The following FBXO36 variants were observed in gnomAD, a reference collection of about 807,000 sequenced individuals.
The protein encoded by FBXO36 is F-box only protein 36.
FBXO36 carries 18 observed loss-of-function variants against 17.0 expected under a neutral mutation model. The observed-to-expected ratio is 1.06, with a 90% CI of 0.73 to 1.57. The LOEUF (loss-of-function observed/expected upper bound fraction) is 1.57, where lower values mean the gene tolerates loss of function less well. Among genes scored for constraint, FBXO36 ranks in the 40% most tolerant of loss-of-function variants. The probability of loss-of-function intolerance (pLI) is 0.00; values close to 1 mark genes in which losing one functional copy is unlikely to be tolerated. For synonymous variants in FBXO36, 83 were observed against 85.3 expected (o/e 0.97, Z 0.15); for missense variants, 229 against 221.9 (o/e 1.03, Z -0.20).
At chr2:229,940,471 C>T (rs1476553583) in intron 1 of FBXO36, among the ~76,000 whole-genome samples, 2 of 152,254 alleles carry the variant, frequency 1.3e-5, no homozygotes, top group African/African-American at 2.4e-5. Context: ...CTGTATAACC[C>T]GTGTACATAT....
Position 229,922,571 on chromosome 2 carries a change from A to C in FBXO36, c.58A>C (p.Ser20Arg), listed in dbSNP as rs1410207060. The C allele has an allele frequency of 1.2e-6, 2 of 1,613,924 alleles. No individual in the cohort carries two copies. The highest frequency in any genetic ancestry group is 1.7e-6 in the Non-Finnish European group (2 of 1,180,032). ...FETVGQGPPPSKDYYQLLVTR... is the reference protein window; with the variant it reads ...FETVGQGPPPRKDYYQLLVTR... ...AACTGTAGGACAAGGCCCGCCGCCT[A>C]GCAAAGACTATTACCAGTTACTGGT... Residue 20 changes from serine (S) to arginine (R), a missense_variant, in exon 1 of 4, where the codon AGC (serine) becomes CGC (arginine). By Grantham distance (110) the Ser-to-Arg change is moderately radical (BLOSUM62 -1). Coordinates refer to ENST00000283946, the MANE Select transcript of FBXO36 (RefSeq NM_174899.5).
Position 229,926,432 on chromosome 2 carries a change from A to AAAAT in FBXO36, c.96+3842_96+3845dup, listed in dbSNP as rs572576240. Among the ~76,000 whole-genome samples, 42 of 152,056 alleles carry AAAAT rather than the reference A, an allele frequency of 2.8e-4. No individual in the cohort carries two copies. In the East Asian group the frequency reaches 4.3e-3, roughly 15 times the overall value. The stretch of plus-strand genomic sequence containing the variant: ...GGCAACAAAGCAAGACTCAGTCTTT[A>AAAAT]AAATAAATAAATAAATAAATAAGAT... On this transcript the variant is annotated intron_variant, in intron 1 of 3. Coordinates refer to ENST00000283946, the MANE Select transcript of FBXO36 (RefSeq NM_174899.5).
chr2:229,985,404 C>G (rs554782882), intron 2 of FBXO36, among the ~76,000 whole-genome samples: 2 of 152,094 alleles, frequency 1.3e-5, no homozygotes, highest in African/African-American at 4.8e-5. Flanking sequence ...AATCCATTTT[C>G]TCTAGGTTTC....
intron 1 of FBXO36, among the ~76,000 whole-genome samples, chr2:229,957,057 G>T (rs2077092144): frequency 6.6e-6 from 1 of 152,180 alleles, no homozygotes; most frequent in Non-Finnish European, 1.5e-5. Flanking sequence ...TTCCTAACAG[G>T]AGTGGAGGAA....
chr2:229,976,816 T>C (rs1450270748), intron 2 of FBXO36: 1 of 150,998 alleles, frequency 6.6e-6, no homozygotes, highest in Admixed American at 6.6e-5. Context: ...CAAAATTCTG[T>C]CTTAAAAAAA....
chr2:229,935,779 CA>C (rs2076960733), intron 1 of FBXO36, among the ~76,000 whole-genome samples: 1 of 152,132 alleles, frequency 6.6e-6, no homozygotes, highest in African/African-American at 2.4e-5. Context: ...ATTCCGTTAC[CA>C]AATGTTCAAG....
chr2:229,998,477 C>A lies in FBXO36; in HGVS notation c.378+1554C>A, dbSNP rs547779753. On this transcript the variant is annotated intron_variant, in intron 3 of 3. Coordinates refer to ENST00000283946, the MANE Select transcript of FBXO36 (RefSeq NM_174899.5). ...GTCTCTACTAAAAATACAAAATTAG[C>A]CAAGCGTGGTAGCACATGCCTGTAA... Among the ~76,000 whole-genome samples the A allele has an allele frequency of 2.0e-5, 3 of 152,252 alleles. No individual in the cohort carries two copies. The East Asian group carries it at 5.8e-4, about 29-fold the overall frequency.
At chr2:229,953,939 C>T (rs1029910444) in intron 1 of FBXO36, among the ~76,000 whole-genome samples, 1 of 151,838 alleles carries the variant, frequency 6.6e-6, no homozygotes, top group Non-Finnish European at 1.5e-5. Flanking sequence ...TGATCACAGC[C>T]CACTGCAGCC....
At chr2:229,996,435 T>C (rs891948051) in intron 2 of FBXO36, among the ~76,000 whole-genome samples, 1 of 152,080 alleles carries the variant, frequency 6.6e-6, no homozygotes, top group African/African-American at 2.4e-5. Context: ...ACAATGGTAA[T>C]GCCAAGACCA....
At chr2:229,932,913 A>G (rs748152791) in intron 1 of FBXO36, 1 of 323,338 alleles carries the variant, frequency 3.1e-6, no homozygotes, top group South Asian at 2.3e-5. Flanking sequence ...AATAAAAACT[A>G]AAAATTAGCC....
chr2:229,939,095 C>G (rs2076983391), intron 1 of FBXO36: 1 of 180,382 alleles, frequency 5.5e-6, no homozygotes, highest in African/African-American at 2.6e-5. Context: ...CTCTTGTTGC[C>G]CAGGCTGGAG....
intron 1 of FBXO36, among the ~76,000 whole-genome samples, chr2:229,942,051 T>C (rs2077002300): frequency 6.6e-6 from 1 of 152,124 alleles, no homozygotes; most frequent in African/African-American, 2.4e-5. Flanking sequence ...GGCTTAATGC[T>C]TCCCAGTAAG....
chr2:229,930,054 A>T (rs2076931548), intron 1 of FBXO36, among the ~76,000 whole-genome samples: 1 of 152,164 alleles, frequency 6.6e-6, no homozygotes, highest in Non-Finnish European at 1.5e-5. Context: ...TCTACAAAAA[A>T]ATCTAAAAAT....
At chr2:229,955,080 G>A (rs1298098473) in intron 1 of FBXO36, among the ~76,000 whole-genome samples, 2 of 152,084 alleles carry the variant, frequency 1.3e-5, no homozygotes, top group Non-Finnish European at 2.9e-5. Flanking sequence ...TTGAACTCCT[G>A]ACCTCAAGTG....
At chr2:229,990,385 T>C (rs1264676795) in intron 2 of FBXO36, among the ~76,000 whole-genome samples, 3 of 151,842 alleles carry the variant, frequency 2.0e-5, no homozygotes, top group Non-Finnish European at 2.9e-5. Context: ...GTAACTTCTG[T>C]ATATCAGGTT....
chr2:229,974,236 G>A (rs1356466441), intron 1 of FBXO36, among the ~76,000 whole-genome samples: 2 of 152,124 alleles, frequency 1.3e-5, no homozygotes, highest in Non-Finnish European at 2.9e-5. Context: ...GGCCTCCAAA[G>A]GAACTCTGTG....
chr2:229,988,598 G>A lies in FBXO36; in HGVS notation c.206-8153G>A, dbSNP rs143526086. Among the ~76,000 whole-genome samples, 364 of 152,080 alleles carry A rather than the reference G, an allele frequency of 2.4e-3. 3 individuals carry two copies. Among genetic ancestry groups the A allele is most frequent in the African/African-American group, 7.5e-3 (310 of 41,504 alleles). ...TTCCCAGGCTGGAGTGCAGTGGCGC[G>A]ATTTCAGCTCACTACAAGCTCCGTC... On this transcript the variant is annotated intron_variant, in intron 2 of 3. Transcript: ENST00000283946.
At chr2:229,936,763 T>C (rs1409560670) in intron 1 of FBXO36, among the ~76,000 whole-genome samples, 1 of 152,096 alleles carries the variant, frequency 6.6e-6, no homozygotes, top group African/African-American at 2.4e-5. Flanking sequence ...CCCAGCTATC[T>C]GGAAGGCTGA....
At chr2:229,977,499 G>A (rs1001675377) in intron 2 of FBXO36, among the ~76,000 whole-genome samples, 3 of 151,930 alleles carry the variant, frequency 2.0e-5, no homozygotes, top group Admixed American at 1.3e-4. Flanking sequence ...TGCCCATGCT[G>A]GAATGCAGTG....
Sources: allele counts gnomAD v4.1 joint callset (sites outside exome capture counted in the v4.1 genomes callset), GRCh38; gene constraint gnomAD v4.1.1; transcripts MANE v1.5; gene names NCBI Gene and HGNC (gene_info 2026-07-23, HGNC 2026-07-21).